CSMD1: variants seen among roughly 807,000 people sequenced by gnomAD.
The protein encoded by CSMD1 is CUB and Sushi multiple domains 1.
CSMD1 carries 213 observed loss-of-function variants against 417.5 expected under a neutral mutation model. The ratio of observed to expected loss-of-function variants is 0.51; its 90% CI spans 0.46 to 0.57. CSMD1 has a LOEUF of 0.57. Ranked by LOEUF, CSMD1 falls within the 20% of genes least tolerant of loss-of-function variation. CSMD1 has a pLI of 0.00. For synonymous variants in CSMD1, 2,862 were observed against 1,736.8 expected (o/e 1.65, Z -16.11); for missense variants, 6,923 against 4,529.7 (o/e 1.53, Z -15.17).
At chr8:3,935,148 A>G (rs11774237) in intron 5 of CSMD1, among the ~76,000 whole-genome samples, 7,175 of 152,266 alleles carry the variant, frequency 0.047, 203 homozygotes, top group Middle Eastern at 0.092. Flanking sequence ...TAAGATTTTT[A>G]AGAAGCAAGA....
intron 1 of CSMD1, among the ~76,000 whole-genome samples, chr8:4,673,502 T>C (rs566035298): frequency 6.6e-6 from 1 of 152,140 alleles, no homozygotes; most frequent in Non-Finnish European, 1.5e-5. Context: ...GCTATGTGTT[T>C]TGTTGGAAGA....
At chr8:3,746,727 T>C (rs868252829) in intron 6 of CSMD1, among the ~76,000 whole-genome samples, 5 of 152,356 alleles carry the variant, frequency 3.3e-5, no homozygotes, top group Middle Eastern at 6.8e-3. Context: ...TTAAGTGTAT[T>C]TCTCCTATCC....
chr8:2,939,997 G>A (rs1258536811), intron 69 of CSMD1, among the ~76,000 whole-genome samples: 8 of 152,282 alleles, frequency 5.3e-5, no homozygotes, highest in South Asian at 2.1e-4. Context: ...AGCTGCACCC[G>A]GCAGAAGGCT....
At chr8:3,102,667 C>G (rs1336306713) in intron 46 of CSMD1, among the ~76,000 whole-genome samples, 2 of 152,168 alleles carry the variant, frequency 1.3e-5, no homozygotes, top group Non-Finnish European at 2.9e-5. Flanking sequence ...CAATGCAGGC[C>G]TCCATAACAA....
rs1808955879 is a variant in CSMD1, at chr8:3,358,640, A to G, written c.3304+512T>C. 5.3e-5 allele frequency among the ~76,000 whole-genome samples: 8 copies of G among 152,186 alleles called. No homozygotes were observed. In the South Asian group the frequency reaches 1.7e-3, roughly 32 times the overall value. On this transcript the variant is annotated intron_variant, in intron 21 of 69. Transcript: ENST00000635120. ...TTGGATTCCTCCAGAACACACTGAA[A>G]AAGTGAATTCAGCATTCAGATGCCT...
intron 56 of CSMD1, 95 bp from the exon 57 acceptor site, chr8:2,973,394 T>G: frequency 7.7e-7 from 1 of 1,294,616 alleles, no homozygotes; most frequent in Non-Finnish European, 1.1e-6. Flanking sequence ...GTTGTTGAAA[T>G]TTGTGTTTCA....
At chr8:3,296,316 G>A (rs917606223) in intron 25 of CSMD1, among the ~76,000 whole-genome samples, 18 of 151,846 alleles carry the variant, frequency 1.2e-4, no homozygotes, top group Middle Eastern at 3.4e-3. Context: ...CATACCGTCC[G>A]CATTTGAGGA....
At chr8:2,990,802 T>C (rs936748081) in intron 54 of CSMD1, among the ~76,000 whole-genome samples, 1 of 152,196 alleles carries the variant, frequency 6.6e-6, no homozygotes, top group African/African-American at 2.4e-5. Flanking sequence ...AGTATTCACC[T>C]ACAGCACATG....
chr8:3,211,733 C>T (rs1051676747), intron 30 of CSMD1, among the ~76,000 whole-genome samples: 1 of 152,204 alleles, frequency 6.6e-6, no homozygotes, highest in East Asian at 1.9e-4. Context: ...CGTTGGCTCA[C>T]AAGCCCGGCC....
At chr8:3,333,705 C>T (rs1242883186) in intron 23 of CSMD1, among the ~76,000 whole-genome samples, 2 of 152,142 alleles carry the variant, frequency 1.3e-5, no homozygotes, top group East Asian at 3.8e-4. Flanking sequence ...ATACTTTCCC[C>T]TGGTTCTTAG....
chr8:4,742,263 C>G (rs897945295), intron 1 of CSMD1, among the ~76,000 whole-genome samples: 1 of 151,442 alleles, frequency 6.6e-6, no homozygotes, highest in Non-Finnish European at 1.5e-5. Context: ...ATCTCCTGAC[C>G]TCATGATCCA....
At chr8:4,746,827 A>G (rs1319583429) in intron 1 of CSMD1, among the ~76,000 whole-genome samples, 1 of 152,194 alleles carries the variant, frequency 6.6e-6, no homozygotes, top group African/African-American at 2.4e-5. Flanking sequence ...TCTCAGAGAA[A>G]AATAGTGATA....
At chr8:4,693,115 G>C (rs1399399695) in intron 1 of CSMD1, among the ~76,000 whole-genome samples, 1 of 152,146 alleles carries the variant, frequency 6.6e-6, no homozygotes, top group Non-Finnish European at 1.5e-5. Context: ...AGGGCCCACT[G>C]GAATCTTCTG....
intron 10 of CSMD1, among the ~76,000 whole-genome samples, chr8:3,515,846 C>A (rs1339053587): frequency 6.6e-6 from 1 of 152,216 alleles, no homozygotes; most frequent in Non-Finnish European, 1.5e-5. Context: ...GGAAAGAAAA[C>A]TGGACTTCAG....
At chr8:3,916,799 C>T (rs1808860682) in intron 5 of CSMD1, among the ~76,000 whole-genome samples, 1 of 152,072 alleles carries the variant, frequency 6.6e-6, no homozygotes, top group Non-Finnish European at 1.5e-5. Flanking sequence ...CAAAATAAGG[C>T]TGTGAAGATG....
Position 4,261,954 on chromosome 8 carries a change from A to G in CSMD1, c.415+157999T>C, listed in dbSNP as rs147804014. Among the ~76,000 whole-genome samples, 849 of 152,276 alleles carry G rather than the reference A, an allele frequency of 5.6e-3. 6 individuals are homozygous for G. The highest frequency in any genetic ancestry group is 0.02 in the African/African-American group (813 of 41,532). On this transcript the variant is annotated intron_variant, in intron 3 of 69. Transcript: ENST00000635120. ...TGATATGGCAATGTAACAAAACAGA[A>G]AAAAAATTAAAACCTGAAGTCTGTC...
chr8:4,487,001 G>C (rs1442550479), intron 2 of CSMD1, among the ~76,000 whole-genome samples: 8 of 152,120 alleles, frequency 5.3e-5, no homozygotes, highest in Non-Finnish European at 7.4e-5. Flanking sequence ...CTTCCACATC[G>C]AGGTGCTGAG....
chr8:3,872,753 G>T (rs1483601796), intron 5 of CSMD1, among the ~76,000 whole-genome samples: 2 of 150,556 alleles, frequency 1.3e-5, no homozygotes, highest in Non-Finnish European at 2.9e-5. Context: ...CAAAACCGGA[G>T]AAATTTTTTG....
At chr8:3,446,563 C>A (rs572825499) in intron 12 of CSMD1, among the ~76,000 whole-genome samples, 40 of 152,262 alleles carry the variant, frequency 2.6e-4, no homozygotes, top group African/African-American at 7.9e-4. Context: ...ACAGGATAAA[C>A]CACAGCTTCC....
Sources: gnomAD v4.1 joint callset for allele counts (sites outside exome capture counted in the v4.1 genomes callset) on GRCh38, gnomAD v4.1.1 for gene constraint, MANE v1.5 for transcripts, NCBI Gene and HGNC (gene_info 2026-07-23, HGNC 2026-07-21) for gene names.